CNTNAP2: variants seen among roughly 807,000 people sequenced by gnomAD.
The protein encoded by CNTNAP2 is contactin-associated protein-like 2.
CNTNAP2 carries 98 observed loss-of-function variants against 155.2 expected under a neutral mutation model. That is an observed-to-expected ratio of 0.63 (90% confidence interval 0.54 to 0.75). CNTNAP2 has a LOEUF of 0.75. CNTNAP2 is among the 30% of genes least tolerant of loss of function. The probability of loss-of-function intolerance (pLI) is 0.00; values close to 1 mark genes in which losing one functional copy is unlikely to be tolerated. For missense variants in CNTNAP2, 1,727 were observed against 1,688.1 expected (o/e 1.02, Z -0.40); for synonymous variants, 651 against 631.2 (o/e 1.03, Z -0.47).
rs1228449646 is a variant in CNTNAP2, at chr7:146,165,974, GTACCTAA to G, written c.97+49010_97+49016del. 9.2e-5 allele frequency among the ~76,000 whole-genome samples: 14 copies of G among 152,178 alleles called. No homozygotes were observed. The South Asian group carries it at 2.5e-3, about 27-fold the overall frequency. On this transcript the variant is annotated intron_variant, in intron 1 of 23. Transcript: ENST00000361727. ...CAATTTTACAAAATCAAAACAATGT[GTACCTAA>G]TACCTAATGTTTAAAATAATTATAA... is the stretch of plus-strand genomic sequence containing the variant.
chr7:147,224,086 C>T (rs1803469040), intron 8 of CNTNAP2, among the ~76,000 whole-genome samples: 3 of 152,198 alleles, frequency 2.0e-5, no homozygotes, highest in Admixed American at 2.0e-4. Context: ...TTTGCTTCAG[C>T]ATGTTGTGAT....
intron 2 of CNTNAP2, among the ~76,000 whole-genome samples, chr7:146,816,593 G>A (rs1373257032): frequency 2.0e-5 from 3 of 152,178 alleles, no homozygotes; most frequent in Non-Finnish European, 2.9e-5. Context: ...CACTAAAGAT[G>A]TTAACCTAAG....
At chr7:147,740,851 C>T (rs908101923) in intron 13 of CNTNAP2, among the ~76,000 whole-genome samples, 7 of 152,060 alleles carry the variant, frequency 4.6e-5, no homozygotes, top group African/African-American at 1.7e-4. Flanking sequence ...GGGAAGGAGT[C>T]GAAGGGGAGC....
intron 1 of CNTNAP2, among the ~76,000 whole-genome samples, chr7:146,685,977 T>C (rs1184164854): frequency 6.6e-6 from 1 of 152,058 alleles, no homozygotes; most frequent in Non-Finnish European, 1.5e-5. Flanking sequence ...TAACACTTAG[T>C]GTAATATTGA....
intron 10 of CNTNAP2, among the ~76,000 whole-genome samples, chr7:147,425,113 A>G (rs571038662): frequency 5.3e-5 from 8 of 150,902 alleles, no homozygotes; most frequent in Non-Finnish European, 8.9e-5. Flanking sequence ...TCAATGTAAA[A>G]GCCAAAGGTT....
chr7:148,169,689 C>T (rs193169359), intron 17 of CNTNAP2, among the ~76,000 whole-genome samples: 4 of 150,102 alleles, frequency 2.7e-5, no homozygotes, highest in African/African-American at 7.3e-5. Context: ...AGGCTGGGCA[C>T]GGTGGCTCAC....
chr7:147,532,211 T>C (rs1319809158), intron 11 of CNTNAP2, among the ~76,000 whole-genome samples: 1 of 152,202 alleles, frequency 6.6e-6, no homozygotes, highest in Admixed American at 6.5e-5. Flanking sequence ...AAGTTACCTC[T>C]TGAATGTTTT....
At chr7:146,912,579 C>T (rs942342299) in intron 3 of CNTNAP2, among the ~76,000 whole-genome samples, 1 of 151,896 alleles carries the variant, frequency 6.6e-6, no homozygotes, top group African/African-American at 2.4e-5. Context: ...ATTCAAATAC[C>T]TGTAGTGCTA....
At chr7:147,024,464 A>AG (rs1442346882) in intron 3 of CNTNAP2, among the ~76,000 whole-genome samples, 1 of 152,192 alleles carries the variant, frequency 6.6e-6, no homozygotes, top group African/African-American at 2.4e-5. Context: ...AAACGGGGGA[A>AG]GGTTACATAG....
chr7:147,622,683 A>AG (rs1794886179), intron 12 of CNTNAP2, among the ~76,000 whole-genome samples: 1 of 152,160 alleles, frequency 6.6e-6, no homozygotes, highest in South Asian at 2.1e-4. Context: ...TCAAAAAAGA[A>AG]GAAAAACTTC....
chr7:146,738,587 C>T (rs1801658909), intron 1 of CNTNAP2, among the ~76,000 whole-genome samples: 1 of 151,516 alleles, frequency 6.6e-6, no homozygotes, highest in Admixed American at 6.6e-5. Context: ...AGTTTTATTG[C>T]CCTGACCAAT....
chr7:146,630,915 A>T (rs1799499911), intron 1 of CNTNAP2, among the ~76,000 whole-genome samples: 1 of 152,174 alleles, frequency 6.6e-6, no homozygotes, highest in Non-Finnish European at 1.5e-5. Context: ...GAGAGAACAC[A>T]AACAAATGGA....
intron 1 of CNTNAP2, among the ~76,000 whole-genome samples, chr7:146,410,430 G>A (rs956520171): frequency 2.0e-5 from 3 of 152,162 alleles, no homozygotes; most frequent in African/African-American, 7.2e-5. Flanking sequence ...GCAAACAGCA[G>A]TAATCACTAA....
intron 12 of CNTNAP2, among the ~76,000 whole-genome samples, chr7:147,572,581 A>C (rs1800316234): frequency 8.4e-6 from 1 of 118,638 alleles, no homozygotes; most frequent in African/African-American, 3.0e-5. Context: ...TTCTCTGCTC[A>C]AAATCCGAGA....
intron 12 of CNTNAP2, among the ~76,000 whole-genome samples, chr7:147,615,129 T>C (rs1281177019): frequency 6.8e-6 from 1 of 147,986 alleles, no homozygotes; most frequent in African/African-American, 2.5e-5. Flanking sequence ...CCTGATTTAG[T>C]AGTGCACACC....
At chr7:147,220,052 G>A (rs905266557) in intron 8 of CNTNAP2, among the ~76,000 whole-genome samples, 5 of 150,444 alleles carry the variant, frequency 3.3e-5, no homozygotes, top group Admixed American at 6.7e-5. Context: ...GCCTCCCAAA[G>A]TGCTGGGATT....
At chr7:146,386,324 T>C (rs1795461379) in intron 1 of CNTNAP2, among the ~76,000 whole-genome samples, 1 of 152,232 alleles carries the variant, frequency 6.6e-6, no homozygotes, top group African/African-American at 2.4e-5. Flanking sequence ...ACATAGCTAC[T>C]GTTTAAAATT....
chr7:148,165,776 C>T (rs914346341), intron 17 of CNTNAP2, among the ~76,000 whole-genome samples: 3 of 151,960 alleles, frequency 2.0e-5, no homozygotes, highest in African/African-American at 7.3e-5. Flanking sequence ...TCAAATTGTG[C>T]CTGGCATCAT....
chr7:147,070,282 T>C (rs1799865197), intron 4 of CNTNAP2, among the ~76,000 whole-genome samples: 1 of 152,120 alleles, frequency 6.6e-6, no homozygotes, highest in African/African-American at 2.4e-5. Flanking sequence ...ACTAGATTCA[T>C]CCGAAACACT....
Sources: gnomAD v4.1 joint callset for allele counts (sites outside exome capture counted in the v4.1 genomes callset) on GRCh38, gnomAD v4.1.1 for gene constraint, MANE v1.5 for transcripts, NCBI Gene and HGNC (gene_info 2026-07-23, HGNC 2026-07-21) for gene names.